The following TLN2 variants were observed in gnomAD, a reference collection of about 807,000 sequenced individuals.
The protein encoded by TLN2 is talin 2, also known as talin-2.
TLN2 carries 118 observed loss-of-function variants against 294.7 expected under a neutral mutation model. The ratio of observed to expected loss-of-function variants is 0.40; its 90% CI spans 0.34 to 0.47. The LOEUF (loss-of-function observed/expected upper bound fraction) is 0.47. TLN2 is among the 20% of genes least tolerant of loss of function. TLN2 has a pLI of 0.84. For missense variants in TLN2, 3,083 were observed against 3,282.2 expected (o/e 0.94, Z 1.48); for synonymous variants, 1,431 against 1,304.5 (o/e 1.10, Z -2.09).
chr15:62,671,306 TC>T (rs2055390882), intron 9 of TLN2, among the ~76,000 whole-genome samples: 1 of 152,226 alleles, frequency 6.6e-6, no homozygotes, highest in Non-Finnish European at 1.5e-5. Flanking sequence ...TTATTTTTTT[TC>T]TTTTACTACA....
Position 62,835,757 on chromosome 15 carries a change from T to G in TLN2, c.7149T>G (p.Asn2383Lys). The change falls in exon 56 of 59, where the codon AAT becomes AAG. Residue 2383 changes from asparagine (N) to lysine (K), a missense_variant. Asn to Lys is a moderately conservative substitution (Grantham distance 94). Coordinates refer to ENST00000636159, the MANE Select transcript of TLN2 (RefSeq NM_015059.3). ...TCTAGGTGGGCTCCATCCCTGCCAATGCTGCAGACGACGGACAGTGGTCAC... is the reference window on the plus strand; with the variant it reads ...TCTAGGTGGGCTCCATCCCTGCCAAGGCTGCAGACGACGGACAGTGGTCAC... ...AQGKVGSIPA[N>K]AADDGQWSQG... 1 of 1,614,176 alleles carries G rather than the reference T, an allele frequency of 6.2e-7. No homozygotes were observed. The highest frequency in any genetic ancestry group is 1.1e-5 in the South Asian group (1 of 91,076).
chr15:62,391,530 A>T (rs527975026), intron 1 of TLN2, among the ~76,000 whole-genome samples: 2 of 152,256 alleles, frequency 1.3e-5, no homozygotes, highest in African/African-American at 4.8e-5. Flanking sequence ...AGGGCGCCAT[A>T]TTTTCAGTGG....
intron 1 of TLN2, among the ~76,000 whole-genome samples, chr15:62,486,161 T>C (rs1284591771): frequency 6.6e-6 from 1 of 152,240 alleles, no homozygotes; most frequent in Non-Finnish European, 1.5e-5. Context: ...TGCTGCTAAA[T>C]ACTTTAGAAA....
chr15:62,496,327 C>G (rs1183305114), intron 1 of TLN2, among the ~76,000 whole-genome samples: 1 of 151,832 alleles, frequency 6.6e-6, no homozygotes, highest in African/African-American at 2.4e-5. Flanking sequence ...ACAAGCCTGG[C>G]TGTGCCTCAG....
At chr15:62,681,654 C>T (rs1264592089) in intron 11 of TLN2, among the ~76,000 whole-genome samples, 2 of 152,104 alleles carry the variant, frequency 1.3e-5, no homozygotes, top group African/African-American at 2.4e-5. Flanking sequence ...GGGAAAGTAC[C>T]TAAACTCTCT....
At chr15:62,659,262 T>G (rs866774985) in intron 9 of TLN2, among the ~76,000 whole-genome samples, 20 of 152,336 alleles carry the variant, frequency 1.3e-4, no homozygotes, top group African/African-American at 4.1e-4. Context: ...TCACACTTAC[T>G]TAAAGAGGTT....
intron 55 of TLN2, 115 bp from the exon 56 acceptor site, chr15:62,835,622 G>T (rs768206104): frequency 5.3e-6 from 6 of 1,124,818 alleles, no homozygotes; most frequent in Non-Finnish European, 5.4e-6. Flanking sequence ...TGTGCTGTTG[G>T]CAGGAGGCAC....
rs78384378 is a variant in TLN2 at position 62,402,979 on chromosome 15, C to T, written c.-238+12294C>T. ...ACAGCAGGCTGGGTGTGGTCCCTCA[C>T]GCGTAATCCCAGCACTTTGGGAGGC... On this transcript the variant is annotated intron_variant, in intron 1 of 58. Coordinates refer to ENST00000636159, the MANE Select transcript of TLN2 (RefSeq NM_015059.3). Among the ~76,000 whole-genome samples the T allele has an allele frequency of 2.9e-4, 44 of 152,272 alleles. No homozygotes were observed. The East Asian group carries it at 6.2e-3, about 21-fold the overall frequency.
In TLN2 at chr15:62,724,911, G is replaced by A; in HGVS notation, c.3127-65G>A. ...TATCCAGAAGGGCATTTTATAAGTT[G>A]CAAAAGTGTTGGGGACACTTTTCCC... On this transcript the variant is annotated intron_variant, in intron 26 of 58. Coordinates refer to ENST00000636159, the MANE Select transcript of TLN2 (RefSeq NM_015059.3). 11 of 1,542,954 alleles carry A rather than the reference G, an allele frequency of 7.1e-6. No individual in the cohort carries two copies. The South Asian group carries it at 1.3e-4, about 18-fold the overall frequency.
intron 1 of TLN2, among the ~76,000 whole-genome samples, chr15:62,564,537 C>T (rs912369276): frequency 2.0e-5 from 3 of 152,076 alleles, no homozygotes; most frequent in Admixed American, 2.0e-4. Flanking sequence ...GATTGTATAC[C>T]TTATACATTT....
intron 1 of TLN2, among the ~76,000 whole-genome samples, chr15:62,540,068 A>G (rs973117235): frequency 6.6e-6 from 1 of 152,208 alleles, no homozygotes; most frequent in Admixed American, 6.5e-5. Flanking sequence ...GGCTGGGTAC[A>G]GTGGCTCACA....
intron 1 of TLN2, among the ~76,000 whole-genome samples, chr15:62,461,313 C>T (rs957673171): frequency 2.0e-5 from 3 of 151,338 alleles, no homozygotes; most frequent in Non-Finnish European, 2.9e-5. Context: ...TGGTTTTGTT[C>T]AGCATGATGT....
chr15:62,595,873 G>C, intron 2 of TLN2, among the ~76,000 whole-genome samples: 1 of 152,184 alleles, frequency 6.6e-6, no homozygotes, highest in Non-Finnish European at 1.5e-5. Flanking sequence ...AAAGTAGAAA[G>C]AGGTGGTTAC....
Position 62,763,654 on chromosome 15 carries a change from G to A in TLN2, c.5053G>A (p.Val1685Ile), listed in dbSNP as rs778764343. 4.3e-6 allele frequency: 7 copies of A among 1,612,614 alleles called. No homozygotes were observed. Among genetic ancestry groups the A allele is most frequent in the South Asian group, 2.2e-5 (2 of 90,822 alleles). The change falls in exon 40 of 59, where the codon GTC (valine) becomes ATC (isoleucine). Residue 1685 changes from valine (V) to isoleucine (I), a missense_variant. Coordinates refer to ENST00000636159, the MANE Select transcript of TLN2 (RefSeq NM_015059.3). Reference sequence around the variant, plus strand: ...CATCGAGCAGGCCTCGCTGGCCGCCGTCAGCCAGAGCCTGGCCACGAGGGA... The same window carrying A: ...CATCGAGCAGGCCTCGCTGGCCGCCATCAGCCAGAGCCTGGCCACGAGGGA... Reference protein sequence around the residue: ...RDIEQASLAAVSQSLATRDDI... With the variant: ...RDIEQASLAAISQSLATRDDI...
intron 11 of TLN2, among the ~76,000 whole-genome samples, chr15:62,686,236 T>A (rs1019770398): frequency 1.3e-5 from 2 of 151,958 alleles, no homozygotes; most frequent in Non-Finnish European, 2.9e-5. Flanking sequence ...TTTGACAGAG[T>A]TTTAGTTAAG....
chr15:62,803,320 G>A (rs2066056817), intron 50 of TLN2, among the ~76,000 whole-genome samples: 2 of 152,070 alleles, frequency 1.3e-5, no homozygotes, highest in South Asian at 4.2e-4. Flanking sequence ...GTTAAATCTG[G>A]TTGGTCTTCT....
In TLN2 at chr15:62,842,169, T is replaced by TTA. The variant is rs1389377067; in HGVS notation, c.*1562_*1563dup. 2 of 147,036 alleles carry TTA rather than the reference T, an allele frequency of 1.4e-5. No homozygotes were observed. The highest frequency in any genetic ancestry group is 5.5e-5 in the African/African-American group (2 of 36,684). The allele number at this position is 147,036 out of a possible 1,614,324, so 9.1% of individuals were successfully genotyped here. A position where few individuals can be genotyped will look rare whatever the true frequency, so the allele number is the denominator to read the frequency against. ...ATAAACTTCTGACAGCTTCCCATATTTATAAGTTACTTATAAGTGCTGCAC... is the reference window on the plus strand; with the variant it reads ...ATAAACTTCTGACAGCTTCCCATATTTATATAAGTTACTTATAAGTGCTGCAC... On this transcript the variant is annotated 3_prime_UTR_variant, in exon 59 of 59. Coordinates refer to ENST00000636159, the MANE Select transcript of TLN2 (RefSeq NM_015059.3).
chr15:62,429,965 C>T (rs1657441401), intron 1 of TLN2, among the ~76,000 whole-genome samples: 1 of 152,170 alleles, frequency 6.6e-6, no homozygotes, highest in Admixed American at 6.5e-5. Flanking sequence ...GCGGAGACTT[C>T]CTGAGAGACC....
At chr15:62,772,663 ATTTAT>A (rs1469933043) in intron 42 of TLN2, among the ~76,000 whole-genome samples, 889 of 76,496 alleles carry the variant, frequency 0.012, 7 homozygotes, top group African/African-American at 0.04. Flanking sequence ...GGATTTATTT[ATTTAT>A]TTTTTTTTTT....
Sources: allele counts gnomAD v4.1 joint callset (sites outside exome capture counted in the v4.1 genomes callset), GRCh38; gene constraint gnomAD v4.1.1; transcripts MANE v1.5; gene names NCBI Gene and HGNC (gene_info 2026-07-23, HGNC 2026-07-21).